PIK3CD: variants seen among roughly 807,000 people sequenced by gnomAD.
PIK3CD encodes phosphatidylinositol 4,5-bisphosphate 3-kinase catalytic subunit delta isoform.
Under a neutral mutation model 122.9 loss-of-function variants are expected in PIK3CD, and 20 were observed. The ratio of observed to expected loss-of-function variants is 0.16; its 90% confidence interval spans 0.11 to 0.24. The LOEUF (loss-of-function observed/expected upper bound fraction) is 0.24. Among genes scored for constraint, PIK3CD ranks in the 10% least tolerant of loss-of-function variants. The probability of loss-of-function intolerance (pLI) is 1.00; values close to 1 mark genes in which losing one functional copy is unlikely to be tolerated. For synonymous variants in PIK3CD, 596 were observed against 593.4 expected, an observed-to-expected ratio of 1.00 and a Z score of -0.06; for missense variants, 787 against 1,406.3, an observed-to-expected ratio of 0.56 and a Z score of 7.04.
the PIK3CD span, among the ~76,000 whole-genome samples, chr1:9,632,861 C>CT: frequency 0.03 from 3,833 of 128,572 alleles, 92 homozygotes; most frequent in Admixed American, 0.062. Context: ...CAACCTGATT[C>CT]TTTTTTTTTT....
intron 14 of PIK3CD, 22 bp downstream of exon 14, chr1:9,721,270 C>G: frequency 6.2e-7 from 1 of 1,613,002 alleles, no homozygotes; most frequent in Non-Finnish European, 8.5e-7. Flanking sequence ...CTGGGCGCTC[C>G]CCACTTCTCC....
At chr1:9,695,989 T>TTTTA (rs1646402068) in intron 2 of PIK3CD, among the ~76,000 whole-genome samples, 1 of 151,350 alleles carries the variant, frequency 6.6e-6, no homozygotes, top group Non-Finnish European at 1.5e-5. Flanking sequence ...TTTTTTTTTT[T>TTTTA]GAGATAAGGT....
intron 3 of PIK3CD, among the ~76,000 whole-genome samples, chr1:9,714,211 T>C (rs1647173853): frequency 6.6e-6 from 1 of 152,196 alleles, no homozygotes; most frequent in Non-Finnish European, 1.5e-5. Context: ...TGTGGGTTAT[T>C]AAAATTCAAA....
chr1:9,716,709 C>A, intron 6 of PIK3CD, 90 bp downstream of exon 6: 1 of 1,385,364 alleles, frequency 7.2e-7, no homozygotes, highest in Non-Finnish European at 1.0e-6. Flanking sequence ...TTGGGCGCAC[C>A]TTGAGCCTGC....
chr1:9,645,460 A>C, the PIK3CD span, among the ~76,000 whole-genome samples: 2 of 150,960 alleles, frequency 1.3e-5, no homozygotes, highest in African/African-American at 4.9e-5. Flanking sequence ...TTATTTATTT[A>C]TTTATTTATT....
At chr1:9,712,634 A>C (rs1289954153) in intron 3 of PIK3CD, among the ~76,000 whole-genome samples, 1 of 152,218 alleles carries the variant, frequency 6.6e-6, no homozygotes, top group East Asian at 1.9e-4. Flanking sequence ...AATACGAAAG[A>C]AGTAATGGAT....
At chr1:9,650,969 G>C (rs1305820209), upstream of PIK3CD, among the ~76,000 whole-genome samples, 1 of 151,928 alleles carries the variant, frequency 6.6e-6, no homozygotes, top group Non-Finnish European at 1.5e-5. Context: ...TCAGCCTCCC[G>C]AGTAGCTGGG....
At chr1:9,705,310 C>T (rs1646787748) in intron 2 of PIK3CD, among the ~76,000 whole-genome samples, 2 of 115,290 alleles carry the variant, frequency 1.7e-5, no homozygotes, top group African/African-American at 6.8e-5. Flanking sequence ...TTTAAAGTCT[C>T]TATTAAAAAT....
Position 9,717,090 on chromosome 1 carries a change from T to C in PIK3CD, c.912T>C (p.Pro304=). 1 of 1,613,824 alleles carries C rather than the reference T, an allele frequency of 6.2e-7. No homozygotes were observed. Among genetic ancestry groups the C allele is most frequent in the Non-Finnish European group, 8.5e-7 (1 of 1,179,984 alleles). Residue 304 remains proline, a synonymous_variant, in exon 7 of 24, where the codon CCT becomes CCC. Coordinates refer to ENST00000377346, the MANE Select transcript of PIK3CD (RefSeq NM_005026.5). This position sits in a 1 kb window ranked among gnomAD's most constrained non-coding sequence, Gnocchi z 5.4. ...TCCAGAAACCGCGTGCCAAACCACC[T>C]CCCATTCCTGCGAAGAAGGTGAGAT... ...PQVQKPRAKP[P]PIPAKKPSSV...
rs117141320 is a variant in PIK3CD, at chr1:9,707,355, T to C, written c.-32-3069T>C. Among the ~76,000 whole-genome samples, 772 of 151,962 alleles carry C rather than the reference T, an allele frequency of 5.1e-3. 18 individuals carry two copies. The highest frequency in any genetic ancestry group is 0.044 in the East Asian group (227 of 5,184). ...TTTTTTTTCCTTGAGTGTTACATTT[T>C]TCTTTTTTTTAATTTAACTTTTATT... On this transcript the variant is annotated intron_variant, in intron 2 of 23. Coordinates refer to ENST00000377346, the MANE Select transcript of PIK3CD (RefSeq NM_005026.5).
chr1:9,726,189 G>C (rs1439464428), intron 23 of PIK3CD, among the ~76,000 whole-genome samples: 109 of 152,004 alleles, frequency 7.2e-4, no homozygotes, highest in Non-Finnish European at 1.3e-3. Context: ...CTCCAGCTCG[G>C]GTGACAGAGC....
chr1:9,698,319 T>A (rs1458508283), intron 2 of PIK3CD, among the ~76,000 whole-genome samples: 1 of 152,174 alleles, frequency 6.6e-6, no homozygotes, highest in Non-Finnish European at 1.5e-5. Flanking sequence ...ATTTTGTGTT[T>A]TTAATAGAGA....
intron 1 of PIK3CD, among the ~76,000 whole-genome samples, chr1:9,687,942 C>A (rs1202146315): frequency 4.6e-5 from 7 of 152,132 alleles, no homozygotes; most frequent in African/African-American, 1.7e-4. Context: ...CATCCGGGAC[C>A]CCTGGCAAGG....
chr1:9,710,568 G>A lies in PIK3CD; in HGVS notation c.113G>A (p.Arg38His), dbSNP rs761349863. The change falls in exon 3 of 24, where the codon CGC (arginine) becomes CAC (histidine). Residue 38 changes from arginine to histidine, a missense_variant. By Grantham distance (29) the Arg-to-His change is conservative (BLOSUM62 0). Coordinates refer to ENST00000377346, the MANE Select transcript of PIK3CD (RefSeq NM_005026.5). This position sits in a 1 kb window ranked among gnomAD's most constrained non-coding sequence, Gnocchi z 4.7. ...TGVYLNFPVS[R>H]NANLSTIKQL... The stretch of plus-strand genomic sequence containing the variant: ...GTCTACCTGAACTTCCCTGTGTCCC[G>A]CAATGCCAACCTCAGCACCATCAAG... The A allele has an allele frequency of 4.3e-6, 7 of 1,613,708 alleles. No individual in the cohort carries two copies. The highest frequency in any genetic ancestry group is 2.2e-5 in the South Asian group (2 of 91,070).
chr1:9,691,079 T>C (rs1487154648), intron 1 of PIK3CD, among the ~76,000 whole-genome samples: 6 of 152,192 alleles, frequency 3.9e-5, no homozygotes, highest in African/African-American at 9.6e-5. Context: ...GGAATAAAGA[T>C]TTCAAGTTCA....
Position 9,715,928 on chromosome 1 carries a change from G to A in PIK3CD, c.450G>A (p.Ala150=), listed in dbSNP as rs757650225. 13 of 1,611,828 alleles carry A rather than the reference G, an allele frequency of 8.1e-6. No homozygotes were observed. Among genetic ancestry groups the A allele is most frequent in the Middle Eastern group, 1.6e-4 (1 of 6,076 alleles). Residue 150 remains alanine, a synonymous_variant, in exon 5 of 24, where the codon GCG becomes GCA. Coordinates refer to ENST00000377346, the MANE Select transcript of PIK3CD (RefSeq NM_005026.5). The surrounding 1 kb of genome is among the most constrained non-coding windows in gnomAD (Gnocchi z 4.1). The part of the protein sequence containing the change: ...RAKMCQFCEE[A]AARRQQLGWE... ...AGATGTGCCAATTCTGCGAGGAGGCGGCCGCCCGCCGGCAGCAGCTGGGCT... is the reference window on the plus strand; with the variant it reads ...AGATGTGCCAATTCTGCGAGGAGGCAGCCGCCCGCCGGCAGCAGCTGGGCT...
At chr1:9,706,898 C>T (rs555537223) in intron 2 of PIK3CD, among the ~76,000 whole-genome samples, 314 of 151,810 alleles carry the variant, frequency 2.1e-3, no homozygotes, top group African/African-American at 7.2e-3. Flanking sequence ...CTCAAACTCC[C>T]AGGCTCAAGT....
At chr1:9,656,096 G>A (rs979766230) in intron 1 of PIK3CD, among the ~76,000 whole-genome samples, 1 of 152,106 alleles carries the variant, frequency 6.6e-6, no homozygotes, top group African/African-American at 2.4e-5. Context: ...CATATTGGGG[G>A]AAATTGCTTC....
At chr1:9,699,893 C>T (rs917592457) in intron 2 of PIK3CD, among the ~76,000 whole-genome samples, 2 of 152,102 alleles carry the variant, frequency 1.3e-5, no homozygotes, top group African/African-American at 4.8e-5. Flanking sequence ...GCCCCCGGCC[C>T]AGGCCTTTGC....
Sources: gnomAD v4.1 joint callset for allele counts (sites outside exome capture counted in the v4.1 genomes callset) on GRCh38, gnomAD v4.1.1 for gene constraint, Gnocchi (gnomAD v3.1) non-coding constraint, MANE v1.5 for transcripts, NCBI Gene and HGNC (gene_info 2026-07-23, HGNC 2026-07-21) for gene names.